Variants in DLGAP1 observed in about 807,000 individuals in gnomAD.
The protein encoded by DLGAP1 is disks large-associated protein 1.
Under a neutral mutation model 90.8 loss-of-function variants are expected in DLGAP1, and 11 were observed. The ratio of observed to expected loss-of-function variants is 0.12; its 90% CI spans 0.08 to 0.20. DLGAP1 has a LOEUF of 0.20. Among genes scored for constraint, DLGAP1 ranks in the 10% least tolerant of loss-of-function variants. The probability of loss-of-function intolerance (pLI) is 1.00; values close to 1 mark genes in which losing one functional copy is unlikely to be tolerated. For synonymous variants in DLGAP1, 558 were observed against 540.7 expected (o/e 1.03, Z -0.44); for missense variants, 1,050 against 1,333.8 (o/e 0.79, Z 3.31).
At chr18:3,818,267 G>A (rs1466927408) in intron 4 of DLGAP1, among the ~76,000 whole-genome samples, 3 of 151,092 alleles carry the variant, frequency 2.0e-5, no homozygotes, top group Non-Finnish European at 4.4e-5. Context: ...TCAGAAAACT[G>A]GAAGACCTGC....
chr18:3,675,924 A>G (rs7232608), intron 7 of DLGAP1, among the ~76,000 whole-genome samples: 98,795 of 152,040 alleles, frequency 0.65, 33,934 homozygotes, highest in African/African-American at 0.88. Flanking sequence ...TCATGAGCCA[A>G]TATTGATACA....
rs1009009841 is a variant in DLGAP1 at position 3,765,494 on chromosome 18, A to G, written c.1173-22982T>C. 2.6e-5 allele frequency among the ~76,000 whole-genome samples: 4 copies of G among 151,898 alleles called. No homozygotes were observed. In the East Asian group the frequency reaches 7.8e-4, roughly 29 times the overall value. ...AACTGGTAAAAATGATGATGTCATT[A>G]GATTCTGATAAATTATAATACCTAA... On this transcript the variant is annotated intron_variant, in intron 5 of 12. Coordinates refer to ENST00000315677, the MANE Select transcript of DLGAP1 (RefSeq NM_004746.4).
chr18:4,062,145 C>A (rs1013181781), intron 2 of DLGAP1, among the ~76,000 whole-genome samples: 2 of 152,106 alleles, frequency 1.3e-5, no homozygotes, highest in Non-Finnish European at 2.9e-5. Context: ...GAGCATATTT[C>A]TTTCTACCTG....
chr18:3,611,280 T>C lies in DLGAP1; in HGVS notation c.1592-29032A>G, dbSNP rs1019512750. ...CTTACAGCAGCCTCACACCCTCCCA[T>C]CCCAGGCCCGCATCCCCCTAACTGA... On this transcript the variant is annotated intron_variant, in intron 7 of 12. Transcript: ENST00000315677. 2.0e-5 allele frequency among the ~76,000 whole-genome samples: 3 copies of C among 152,028 alleles called. No homozygotes were observed. The South Asian group carries it at 6.2e-4, about 32-fold the overall frequency.
chr18:4,217,900 T>C (rs1056861437), intron 1 of DLGAP1, among the ~76,000 whole-genome samples: 1 of 152,106 alleles, frequency 6.6e-6, no homozygotes, highest in Non-Finnish European at 1.5e-5. Flanking sequence ...TTTCTGAAAG[T>C]AGTTTTTAAT....
intron 2 of DLGAP1, among the ~76,000 whole-genome samples, chr18:4,015,070 A>G (rs560466300): frequency 6.6e-6 from 1 of 152,274 alleles, no homozygotes; most frequent in Admixed American, 6.5e-5. Flanking sequence ...CAGAAATATT[A>G]AAGAGAAAGT....
At chr18:3,746,826 G>C (rs1443687541) in intron 5 of DLGAP1, among the ~76,000 whole-genome samples, 1 of 152,132 alleles carries the variant, frequency 6.6e-6, no homozygotes. Context: ...AAATTGTAAA[G>C]ATATTCCCTA....
chr18:3,917,843 GA>G (rs2072181291), intron 3 of DLGAP1, among the ~76,000 whole-genome samples: 1 of 109,412 alleles, frequency 9.1e-6, no homozygotes, highest in South Asian at 4.1e-4. Flanking sequence ...AGGGGAAAAG[GA>G]AAAATTTCAG....
intron 9 of DLGAP1, among the ~76,000 whole-genome samples, chr18:3,541,728 GA>G (rs1440114226): frequency 1.3e-5 from 2 of 152,184 alleles, no homozygotes; most frequent in African/African-American, 4.8e-5. Flanking sequence ...GCGATCAAAA[GA>G]GATCTTTTAT....
At chr18:3,551,460 A>G (rs956075512) in intron 9 of DLGAP1, among the ~76,000 whole-genome samples, 21 of 150,472 alleles carry the variant, frequency 1.4e-4, no homozygotes, top group Admixed American at 1.3e-3. Context: ...TGTTGGCCAG[A>G]CTGGTCTTGA....
At chr18:4,170,644 A>C (rs1480134523) in intron 1 of DLGAP1, among the ~76,000 whole-genome samples, 1 of 152,212 alleles carries the variant, frequency 6.6e-6, no homozygotes, top group African/African-American at 2.4e-5. Context: ...AAGAGTTACC[A>C]CGGTGTGGGA....
In DLGAP1 at chr18:4,274,255, T is replaced by G. The variant is rs565145450; in HGVS notation, c.-266-122968A>C. On this transcript the variant is annotated intron_variant, in intron 1 of 12. Coordinates refer to ENST00000315677, the MANE Select transcript of DLGAP1 (RefSeq NM_004746.4). The stretch of plus-strand genomic sequence containing the variant: ...AGTGTTTTTGGATTTCTTTTTTAAT[T>G]TCTTCTTTGACCCGCTGGTTATTTA... Among the ~76,000 whole-genome samples the G allele has an allele frequency of 1.7e-3, 258 of 152,292 alleles. 1 individual carries two copies. Among genetic ancestry groups the G allele is most frequent in the Non-Finnish European group, 2.9e-3 (199 of 68,012 alleles).
At chr18:3,921,270 G>A (rs2072263703) in intron 3 of DLGAP1, among the ~76,000 whole-genome samples, 1 of 152,128 alleles carries the variant, frequency 6.6e-6, no homozygotes. Flanking sequence ...TATAAAATGA[G>A]AAGACAACTT....
chr18:3,822,828 C>T (rs963622692), intron 4 of DLGAP1, among the ~76,000 whole-genome samples: 2 of 152,120 alleles, frequency 1.3e-5, no homozygotes, highest in Non-Finnish European at 2.9e-5. Context: ...GGATAAGACA[C>T]TCTCGTGATA....
At chr18:4,265,664 CCTT>C (rs1455698170) in intron 1 of DLGAP1, among the ~76,000 whole-genome samples, 1 of 48,258 alleles carries the variant, frequency 2.1e-5, no homozygotes, top group Non-Finnish European at 3.6e-5. Context: ...TCCCTCCCTC[CCTT>C]CCTTCCTTCC....
chr18:4,247,978 T>C (rs1291452795), intron 1 of DLGAP1, among the ~76,000 whole-genome samples: 1 of 152,142 alleles, frequency 6.6e-6, no homozygotes. Context: ...AAATTCAATA[T>C]GCCAGTGACA....
At chr18:3,995,701 C>G (rs2074055089) in intron 3 of DLGAP1, 1 of 151,190 alleles carries the variant, frequency 6.6e-6, no homozygotes, top group Non-Finnish European at 1.5e-5. Context: ...CTAGTGTTCT[C>G]TCGCTTTGGT....
In DLGAP1 at chr18:4,213,187, A is replaced by G. The variant is rs11875779; in HGVS notation, c.-266-61900T>C. 2.9e-3 allele frequency among the ~76,000 whole-genome samples: 437 copies of G among 152,302 alleles called. 3 individuals carry two copies. Among genetic ancestry groups the G allele is most frequent in the African/African-American group, 9.5e-3 (396 of 41,572 alleles). On this transcript the variant is annotated intron_variant, in intron 1 of 12. Coordinates refer to ENST00000315677, the MANE Select transcript of DLGAP1 (RefSeq NM_004746.4). ...TGCCAAAGCAAATTGGGGCAAAAACATGAGAGTTGGTACCAAGGGATTTCA... is the reference window on the plus strand; with the variant it reads ...TGCCAAAGCAAATTGGGGCAAAAACGTGAGAGTTGGTACCAAGGGATTTCA...
intron 1 of DLGAP1, among the ~76,000 whole-genome samples, chr18:4,356,598 G>A (rs886648536): frequency 1.3e-5 from 2 of 152,042 alleles, no homozygotes; most frequent in African/African-American, 4.8e-5. Flanking sequence ...TCCTGAATCC[G>A]AGGATTTCCC....
Sources: allele counts gnomAD v4.1 joint callset (sites outside exome capture counted in the v4.1 genomes callset), GRCh38; gene constraint gnomAD v4.1.1; transcripts MANE v1.5; gene names NCBI Gene and HGNC (gene_info 2026-07-23, HGNC 2026-07-21).